LDLRAD4: variants seen among roughly 807,000 people sequenced by gnomAD.
The protein encoded by LDLRAD4 is low-density lipoprotein receptor class A domain-containing protein 4.
LDLRAD4 carries 5 observed loss-of-function variants against 17.0 expected under a neutral mutation model. The ratio of observed to expected loss-of-function variants is 0.29; its 90% CI spans 0.15 to 0.62. The LOEUF (loss-of-function observed/expected upper bound fraction) is 0.62, where lower values mean the gene tolerates loss of function less well. Among genes scored for constraint, LDLRAD4 ranks in the 20% least tolerant of loss-of-function variants. The pLI is 0.84. For missense variants in LDLRAD4, 340 were observed against 424.7 expected (o/e 0.80, Z 1.75); for synonymous variants, 168 against 171.8 (o/e 0.98, Z 0.17).
At chr18:13,503,286 T>G (rs1284633940) in intron 3 of LDLRAD4, among the ~76,000 whole-genome samples, 1 of 152,220 alleles carries the variant, frequency 6.6e-6, no homozygotes, top group Non-Finnish European at 1.5e-5. Context: ...ACTTTCTGCT[T>G]CAGCAGCATC....
At chr18:13,568,768 A>T (rs2148314651) in intron 3 of LDLRAD4, among the ~76,000 whole-genome samples, 1 of 152,342 alleles carries the variant, frequency 6.6e-6, no homozygotes, top group African/African-American at 2.4e-5. Flanking sequence ...CCGTGGTTAG[A>T]GGCCTGCTGA....
intron 1 of LDLRAD4, among the ~76,000 whole-genome samples, chr18:13,310,462 A>T (rs146932535): frequency 1.3e-5 from 2 of 152,324 alleles, no homozygotes; most frequent in African/African-American, 4.8e-5. Context: ...AAAGGAAAAA[A>T]GACAGTCCTT....
intron 3 of LDLRAD4, among the ~76,000 whole-genome samples, chr18:13,619,657 G>A (rs2040429138): frequency 6.6e-6 from 1 of 152,166 alleles, no homozygotes; most frequent in African/African-American, 2.4e-5. Flanking sequence ...AGGCCACGGG[G>A]AACCCAAGAG....
Position 13,450,326 on chromosome 18 carries a change from A to AACC in LDLRAD4, c.181+11942_181+11943insACC, listed in dbSNP as rs1555691797. On this transcript the variant is annotated intron_variant, in intron 3 of 5. Transcript: ENST00000359446. Reference sequence around the variant, plus strand: ...CAGTGCAGTTAGCTTCTCTCCCCCCACCCCCCCCCCCAAAAAAACACACAA... The same window carrying AACC: ...CAGTGCAGTTAGCTTCTCTCCCCCCAACCCCCCCCCCCCCAAAAAAACACACAA... Among the ~76,000 whole-genome samples, 91 of 68,102 alleles carry AACC rather than the reference A, an allele frequency of 1.3e-3. 3 individuals are homozygous for AACC. Among genetic ancestry groups the AACC allele is most frequent in the East Asian group, 6.4e-3 (7 of 1,088 alleles). 44.7% of individuals were successfully genotyped at this position (68,102 alleles called of 152,430 possible). A position where few individuals can be genotyped will look rare whatever the true frequency, so the allele number is the denominator to read the frequency against.
intron 1 of LDLRAD4, among the ~76,000 whole-genome samples, chr18:13,261,930 G>A (rs2043838190): frequency 3.3e-5 from 5 of 152,058 alleles, no homozygotes; most frequent in Admixed American, 3.3e-4. Context: ...GCAGAGCAGG[G>A]CACATGTGCG....
At chr18:13,491,584 G>A (rs141474173) in intron 3 of LDLRAD4, 36 of 152,342 alleles carry the variant, frequency 2.4e-4, no homozygotes, top group African/African-American at 8.7e-4. Context: ...TATATGTAGT[G>A]TTGGTGATTG....
Position 13,643,348 on chromosome 18 carries a change from C to T in LDLRAD4, c.337-11C>T. The stretch of plus-strand genomic sequence containing the variant: ...TGTTCCCCCCACTCTCCTCCCCTTC[C>T]CCTCCGCCAGGAAGGGTGCCTGTGG... On this transcript the variant is annotated splice_polypyrimidine_tract_variant and intron_variant, in intron 4 of 5. Coordinates refer to ENST00000359446, the Ensembl canonical transcript of LDLRAD4. 1.4e-6 allele frequency: 2 copies of T among 1,470,194 alleles called. No individual in the cohort carries two copies. The highest frequency in any genetic ancestry group is 2.8e-5 in the East Asian group (1 of 35,712). 91.1% of individuals were successfully genotyped at this position (1,470,194 alleles called of 1,614,324 possible).
intron 2 of LDLRAD4, among the ~76,000 whole-genome samples, chr18:13,431,891 TC>T (rs748783647): frequency 2.0e-5 from 3 of 152,188 alleles, no homozygotes; most frequent in Non-Finnish European, 2.9e-5. Flanking sequence ...CAAAGTAAAT[TC>T]CACTTTGTTC....
intron 1 of LDLRAD4, among the ~76,000 whole-genome samples, chr18:13,257,239 TAA>T (rs1017347739): frequency 9.2e-5 from 14 of 152,308 alleles, no homozygotes; most frequent in African/African-American, 3.4e-4. Flanking sequence ...TCGTGGAGAA[TAA>T]AAATGACCTG....
chr18:13,254,248 C>T (rs1179438926), intron 1 of LDLRAD4, among the ~76,000 whole-genome samples: 2 of 152,168 alleles, frequency 1.3e-5, no homozygotes, highest in Non-Finnish European at 2.9e-5. Flanking sequence ...GGGAGCTTTT[C>T]GGGTCCAGAG....
intron 3 of LDLRAD4, chr18:13,614,407 A>G (rs1380559349): frequency 6.6e-6 from 1 of 152,206 alleles, no homozygotes; most frequent in Non-Finnish European, 1.5e-5. Flanking sequence ...GGTGACGCCA[A>G]AAACTGGGTA....
At chr18:13,401,892 A>G (rs2087243857) in intron 2 of LDLRAD4, among the ~76,000 whole-genome samples, 1 of 151,990 alleles carries the variant, frequency 6.6e-6, no homozygotes, top group Non-Finnish European at 1.5e-5. Context: ...TTGTGGACTG[A>G]CTTCCCTGCT....
At chr18:13,265,976 G>A (rs1042591327) in intron 1 of LDLRAD4, among the ~76,000 whole-genome samples, 3 of 152,258 alleles carry the variant, frequency 2.0e-5, no homozygotes, top group Non-Finnish European at 2.9e-5. Context: ...TCTAGGTTTA[G>A]AGCTCTGGTT....
At chr18:13,218,962 C>T (rs1239356378) in exon 1 of LDLRAD4, 3 of 152,466 alleles carry the variant, frequency 2.0e-5, no homozygotes, top group African/African-American at 4.8e-5. Context: ...CGGTGCGCCG[C>T]CCCGGGTGGG....
intron 3 of LDLRAD4, among the ~76,000 whole-genome samples, chr18:13,540,665 T>C (rs1458143116): frequency 1.3e-5 from 2 of 152,170 alleles, no homozygotes; most frequent in Non-Finnish European, 2.9e-5. Context: ...TCCAAGGCAA[T>C]TCACAGGAAC....
intron 3 of LDLRAD4, chr18:13,515,176 A>C (rs1213012033): frequency 6.6e-6 from 1 of 152,234 alleles, no homozygotes; most frequent in East Asian, 1.9e-4. Flanking sequence ...TCGTCTCCCG[A>C]ATAGGCCTTC....
intron 3 of LDLRAD4, among the ~76,000 whole-genome samples, chr18:13,482,135 G>C (rs945271697): frequency 4.6e-5 from 7 of 152,148 alleles, no homozygotes; most frequent in Non-Finnish European, 1.0e-4. Context: ...GACCCAGTGG[G>C]GAAGCCTGGC....
rs185785033 is a variant in LDLRAD4 at position 13,507,127 on chromosome 18, G to A, written c.181+68743G>A. On this transcript the variant is annotated intron_variant, in intron 3 of 5. Coordinates refer to ENST00000359446, the Ensembl canonical transcript of LDLRAD4. Reference sequence around the variant, plus strand: ...TTCTTATTATATGTTATGGTGATCTGTGACAGTGATCTTTTTTAAAATTCT... The same window carrying A: ...TTCTTATTATATGTTATGGTGATCTATGACAGTGATCTTTTTTAAAATTCT... 9.5e-4 allele frequency among the ~76,000 whole-genome samples: 145 copies of A among 152,218 alleles called. 1 individual carries two copies. Among genetic ancestry groups the A allele is most frequent in the Non-Finnish European group, 6.5e-4 (44 of 67,994 alleles).
chr18:13,485,647 T>A (rs1429900493), intron 3 of LDLRAD4, among the ~76,000 whole-genome samples: 2 of 152,208 alleles, frequency 1.3e-5, no homozygotes, highest in Non-Finnish European at 2.9e-5. Flanking sequence ...CTCTGCTGGG[T>A]GCTTCAGTTT....
Sources: allele counts gnomAD v4.1 joint callset (sites outside exome capture counted in the v4.1 genomes callset), GRCh38; gene constraint gnomAD v4.1.1; transcripts MANE v1.5; gene names NCBI Gene and HGNC (gene_info 2026-07-23, HGNC 2026-07-21).